HSD17B3: variants seen among roughly 807,000 people sequenced by gnomAD.
HSD17B3 encodes 17-beta-hydroxysteroid dehydrogenase type 3.
Under a neutral mutation model 41.1 loss-of-function variants are expected in HSD17B3, and 29 were observed. That is an observed-to-expected ratio of 0.71 (90% CI 0.53 to 0.96). HSD17B3 has a LOEUF of 0.96. Among genes scored for constraint, HSD17B3 ranks in the 40% least tolerant of loss-of-function variants. HSD17B3 has a pLI of 0.00. For synonymous variants in HSD17B3, 126 were observed against 145.6 expected, an observed-to-expected ratio of 0.87 and a Z score of 0.97; for missense variants, 323 against 374.6, an observed-to-expected ratio of 0.86 and a Z score of 1.14.
At chr9:96,240,736 A>G in intron 10 of HSD17B3, 22 bp downstream of exon 10, 1 of 1,613,936 alleles carries the variant, frequency 6.2e-7, no homozygotes, top group Non-Finnish European at 8.5e-7. Context: ...TGGCTTCAAG[A>G]AAAGGAGAAG....
chr9:96,272,373 A>ATCTC lies in HSD17B3; in HGVS notation c.202-17434_202-17431dup, dbSNP rs373017603. ...GCCTGGGCAACAAGAGTAAGACTGC[A>ATCTC]TCTCTCTCTCTCTCTCTCTCTCTCT... On this transcript the variant is annotated intron_variant, in intron 2 of 10. Transcript: ENST00000375263. 5.4e-3 allele frequency among the ~76,000 whole-genome samples: 24 copies of ATCTC among 4,412 alleles called. 1 individual carries two copies. The highest frequency in any genetic ancestry group is 0.013 in the South Asian group (1 of 76). 2.9% of individuals were successfully genotyped at this position (4,412 alleles called of 152,430 possible).
At chr9:96,252,766 G>T in intron 4 of HSD17B3, 37 bp downstream of exon 4, 4 of 1,044,510 alleles carry the variant, frequency 3.8e-6, no homozygotes, top group Non-Finnish European at 6.1e-6. Flanking sequence ...TTTCACTGAT[G>T]TATGACAACA....
At chr9:96,278,737 A>G (rs1826569997) in intron 2 of HSD17B3, among the ~76,000 whole-genome samples, 1 of 152,188 alleles carries the variant, frequency 6.6e-6, no homozygotes, top group African/African-American at 2.4e-5. Flanking sequence ...GCTGCTGTTA[A>G]GTATTGGGTT....
At chr9:96,272,325 C>T (rs1273673291) in intron 2 of HSD17B3, among the ~76,000 whole-genome samples, 1 of 140,360 alleles carries the variant, frequency 7.1e-6, no homozygotes, top group African/African-American at 2.6e-5. Context: ...TGCAGTAAGC[C>T]GAGATCATGC....
chr9:96,253,056 G>A, intron 3 of HSD17B3, 146 bp from the exon 4 acceptor site: 1 of 694,824 alleles, frequency 1.4e-6, no homozygotes, highest in Non-Finnish European at 2.6e-6. Context: ...CATGGTTCTG[G>A]GTAAATGTTG....
intron 5 of HSD17B3, chr9:96,250,389 G>C (rs1836848320): frequency 9.3e-7 from 1 of 1,069,562 alleles, no homozygotes; most frequent in African/African-American, 1.6e-5. Flanking sequence ...CCAGAGAGGA[G>C]TTCAGGAGTT....
chr9:96,251,603 G>A (rs989766632), intron 4 of HSD17B3, 118 bp from the exon 5 acceptor site: 19 of 917,834 alleles, frequency 2.1e-5, no homozygotes, highest in African/African-American at 9.8e-5. Flanking sequence ...ATTTGGTAAC[G>A]GTGAGGAAAC....
chr9:96,257,959 C>A (rs1010583821), intron 2 of HSD17B3, among the ~76,000 whole-genome samples: 2 of 152,166 alleles, frequency 1.3e-5, no homozygotes, highest in African/African-American at 4.8e-5. Context: ...CCACCCCACC[C>A]GGCCCCTTTA....
At chr9:96,258,712 A>G (rs962039021) in intron 2 of HSD17B3, among the ~76,000 whole-genome samples, 10 of 152,320 alleles carry the variant, frequency 6.6e-5, no homozygotes, top group Admixed American at 2.0e-4. Flanking sequence ...GGAAAAATTT[A>G]TATCTTTGCA....
intron 2 of HSD17B3, among the ~76,000 whole-genome samples, chr9:96,280,382 A>C (rs1826642708): frequency 6.6e-6 from 1 of 152,224 alleles, no homozygotes; most frequent in Non-Finnish European, 1.5e-5. Context: ...TCCTCAGGAA[A>C]ATTACTTATA....
At chr9:96,292,595 G>T (rs956909624) in intron 2 of HSD17B3, among the ~76,000 whole-genome samples, 1 of 152,102 alleles carries the variant, frequency 6.6e-6, no homozygotes. Flanking sequence ...TGATCCATCC[G>T]CCTCAGCCTC....
intron 10 of HSD17B3, 25 bp from the exon 11 acceptor site, chr9:96,235,595 T>C (rs369337840): frequency 6.9e-6 from 11 of 1,587,122 alleles, no homozygotes; most frequent in Non-Finnish European, 8.6e-6. Flanking sequence ...AGCATCAGTG[T>C]TGGGGAGGAA....
At chr9:96,287,411 C>T (rs1450539858) in intron 2 of HSD17B3, among the ~76,000 whole-genome samples, 3 of 152,204 alleles carry the variant, frequency 2.0e-5, no homozygotes, top group African/African-American at 7.2e-5. Flanking sequence ...GCCAGCCGAC[C>T]TTAATGATAA....
At chr9:96,241,991 AAGAAAG>A (rs1358948365) in intron 9 of HSD17B3, among the ~76,000 whole-genome samples, 1 of 148,712 alleles carries the variant, frequency 6.7e-6, no homozygotes, top group Non-Finnish European at 1.5e-5. Flanking sequence ...GAAAGAAAGA[AAGAAAG>A]AAAGAAAGAG....
intron 9 of HSD17B3, 39 bp downstream of exon 9, chr9:96,244,290 C>T (rs1221639671): frequency 6.2e-7 from 1 of 1,606,118 alleles, no homozygotes; most frequent in South Asian, 1.1e-5. Context: ...GCCCACCTCA[C>T]CTGGATGATG....
At chr9:96,263,267 A>G (rs1415591937) in intron 2 of HSD17B3, among the ~76,000 whole-genome samples, 1 of 152,036 alleles carries the variant, frequency 6.6e-6, no homozygotes, top group South Asian at 2.1e-4. Context: ...GTTCATGGTC[A>G]CCTCGCAAGC....
intron 10 of HSD17B3, among the ~76,000 whole-genome samples, chr9:96,236,493 G>A (rs903581947): frequency 6.8e-6 from 1 of 147,902 alleles, no homozygotes; most frequent in African/African-American, 2.6e-5. Flanking sequence ...CTCCAGCCTG[G>A]GTGACAGAGC....
At chr9:96,247,747 T>C (rs1309674219) in intron 6 of HSD17B3, among the ~76,000 whole-genome samples, 1 of 152,156 alleles carries the variant, frequency 6.6e-6, no homozygotes, top group African/African-American at 2.4e-5. Flanking sequence ...GGCTGAATGA[T>C]CCCAATGAGA....
chr9:96,299,033 G>A (rs1001039302), intron 1 of HSD17B3, among the ~76,000 whole-genome samples: 8 of 152,158 alleles, frequency 5.3e-5, no homozygotes, highest in Non-Finnish European at 1.2e-4. Context: ...GAAGAAACCT[G>A]AAGAATTTGT....
Sources: allele counts gnomAD v4.1 joint callset (sites outside exome capture counted in the v4.1 genomes callset), GRCh38; gene constraint gnomAD v4.1.1; transcripts MANE v1.5; gene names NCBI Gene and HGNC (gene_info 2026-07-23, HGNC 2026-07-21).